The following CLCA1 variants were observed in gnomAD, a reference collection of about 807,000 sequenced individuals.
The protein encoded by CLCA1 is calcium-activated chloride channel regulator 1.
In CLCA1, 59 loss-of-function variants were observed where a neutral mutation model predicts 85.6. The ratio of observed to expected loss-of-function variants is 0.69; its 90% CI spans 0.56 to 0.86. CLCA1 has a LOEUF of 0.86. CLCA1 is among the 40% of genes least tolerant of loss of function. The pLI is 0.00. For synonymous variants in CLCA1, 396 were observed against 398.3 expected (o/e 0.99, Z 0.07); for missense variants, 1,022 against 1,101.4 (o/e 0.93, Z 1.02).
In CLCA1 at chr1:86,489,119, G is replaced by C; in HGVS notation, c.1306G>C (p.Ala436Pro). The change falls in exon 8 of 14, where the codon GCT (alanine) becomes CCT (proline). Residue 436 changes from alanine (A) to proline (P), a missense_variant. By Grantham distance (27) the Ala-to-Pro change is conservative. Coordinates refer to ENST00000394711, the MANE Select transcript of CLCA1 (RefSeq NM_001285.4). ...KQSGAIIHTV[A>P]LGPSAAQELE... ...AAGTGGTGCCATCATCCACACAGTCGCTTTGGGGCCCTCTGCAGCTCAAGA... is the reference window on the plus strand; with the variant it reads ...AAGTGGTGCCATCATCCACACAGTCCCTTTGGGGCCCTCTGCAGCTCAAGA... 6.2e-7 allele frequency: 1 copy of C among 1,614,048 alleles called. No homozygotes were observed. Among genetic ancestry groups the C allele is most frequent in the Non-Finnish European group, 8.5e-7 (1 of 1,179,994 alleles).
At position 86,473,963 on chromosome 1, in the gene CLCA1, G is replaced by A. The variant is rs1647570725; in HGVS notation, c.451+87G>A. ...ACACTAGCATTATCTTTGTGAGTAAGCATGTATAAGCCAAACAATTAGAGA... is the reference window on the plus strand; with the variant it reads ...ACACTAGCATTATCTTTGTGAGTAAACATGTATAAGCCAAACAATTAGAGA... On this transcript the variant is annotated intron_variant, in intron 3 of 13. Transcript: ENST00000394711. The A allele has an allele frequency of 5.5e-6, 5 of 907,494 alleles. No individual in the cohort carries two copies. The Admixed American group carries it at 8.2e-5, about 15-fold the overall frequency. The allele number at this position is 907,494 out of a possible 1,614,324, so 56.2% of individuals were successfully genotyped here. A position where few individuals can be genotyped will look rare whatever the true frequency, so the allele number is the denominator to read the frequency against.
chr1:86,493,298 C>A (rs974211010), intron 9 of CLCA1, 86 bp from the exon 10 acceptor site: 36 of 998,988 alleles, frequency 3.6e-5, no homozygotes, highest in Non-Finnish European at 4.9e-5. Flanking sequence ...TTTTTAATGG[C>A]GCACTGGGGA....
At chr1:86,498,392 T>G (rs2753356) in intron 12 of CLCA1, among the ~76,000 whole-genome samples, 180 bp from the exon 13 acceptor site, 113,367 of 151,960 alleles carry the variant, frequency 0.75, 42,545 homozygotes, top group South Asian at 0.81. Context: ...TGTTTTCTCT[T>G]TTCCCTCTGA....
In CLCA1 at chr1:86,482,448, T is replaced by C. The variant is rs192599741; in HGVS notation, c.735+66T>C. On this transcript the variant is annotated intron_variant, in intron 5 of 13. Transcript: ENST00000394711. ...AATTTAGTGAGGCTTTTACTCCAAG[T>C]GCTCCAAGGGAGAATCAAAGTTTAG... 226 of 1,448,176 alleles carry C rather than the reference T, an allele frequency of 1.6e-4. 1 individual carries two copies. The East Asian group carries it at 5.1e-3, about 33-fold the overall frequency. 89.7% of individuals were successfully genotyped at this position (1,448,176 alleles called of 1,614,324 possible). A position where few individuals can be genotyped will look rare whatever the true frequency, so the allele number is the denominator to read the frequency against.
chr1:86,499,245 A>G (rs1204065250), intron 13 of CLCA1, among the ~76,000 whole-genome samples: 1 of 152,186 alleles, frequency 6.6e-6, no homozygotes, highest in Non-Finnish European at 1.5e-5. Context: ...ACTTGTTAGA[A>G]AGTGTTTTCA....
At chr1:86,485,161 T>C (rs1023051012) in intron 5 of CLCA1, among the ~76,000 whole-genome samples, 182 bp from the exon 6 acceptor site, 2 of 152,010 alleles carry the variant, frequency 1.3e-5, no homozygotes, top group Non-Finnish European at 2.9e-5. Flanking sequence ...TCCAATGAGA[T>C]TGAAGGCCTG....
chr1:86,470,404 A>G (rs756582833), intron 1 of CLCA1, among the ~76,000 whole-genome samples: 2 of 152,200 alleles, frequency 1.3e-5, no homozygotes, highest in Non-Finnish European at 2.9e-5. Context: ...TAAATTTGGA[A>G]GTGGCATCAG....
chr1:86,485,248 G>A (rs879637540), intron 5 of CLCA1, 95 bp from the exon 6 acceptor site: 2 of 907,810 alleles, frequency 2.2e-6, no homozygotes, highest in Non-Finnish European at 1.7e-6. Flanking sequence ...ATTGAGCCAA[G>A]GTTATGCATT....
chr1:86,495,433 C>T, intron 11 of CLCA1, 72 bp from the exon 12 acceptor site: 1 of 1,257,552 alleles, frequency 8.0e-7, no homozygotes. Context: ...AATTCATAGC[C>T]TACATATGAG....
At chr1:86,495,858 T>C (rs1199692789) in intron 12 of CLCA1, among the ~76,000 whole-genome samples, 183 bp downstream of exon 12, 1 of 152,216 alleles carries the variant, frequency 6.6e-6, no homozygotes, top group Non-Finnish European at 1.5e-5. Context: ...GTGGCATGTT[T>C]AGCAGCATCC....
Position 86,495,679 on chromosome 1 carries a change from A to C in CLCA1, c.2113+4A>C. The C allele has an allele frequency of 6.2e-7, 1 of 1,602,536 alleles. No individual in the cohort carries two copies. The highest frequency in any genetic ancestry group is 8.5e-7 in the Non-Finnish European group (1 of 1,173,350). On this transcript the variant is annotated splice_donor_region_variant and intron_variant, in intron 12 of 13. Coordinates refer to ENST00000394711, the MANE Select transcript of CLCA1 (RefSeq NM_001285.4). Reference sequence around the variant, plus strand: ...ATACCTGGCTGGATTGAGAATGGTAAGTAATTTGTAATAACATACCTGGCT... The same window carrying C: ...ATACCTGGCTGGATTGAGAATGGTACGTAATTTGTAATAACATACCTGGCT...
intron 4 of CLCA1, among the ~76,000 whole-genome samples, chr1:86,478,191 G>A (rs1647724091): frequency 6.6e-6 from 1 of 152,092 alleles, no homozygotes; most frequent in Non-Finnish European, 1.5e-5. Context: ...TACTTTGGGA[G>A]GCCGAGGCAG....
chr1:86,484,326 T>C (rs1240431016), intron 5 of CLCA1, among the ~76,000 whole-genome samples: 1 of 152,224 alleles, frequency 6.6e-6, no homozygotes, highest in East Asian at 1.9e-4. Flanking sequence ...AGTGACTTTT[T>C]GGCTGAACAT....
chr1:86,495,970 C>T (rs1422870078), intron 12 of CLCA1, among the ~76,000 whole-genome samples: 1 of 152,198 alleles, frequency 6.6e-6, no homozygotes, highest in Non-Finnish European at 1.5e-5. Context: ...AAACTAGCCT[C>T]CAGCTGAAAA....
chr1:86,486,369 T>C (rs1450535099), intron 6 of CLCA1, among the ~76,000 whole-genome samples, 157 bp from the exon 7 acceptor site: 1 of 152,230 alleles, frequency 6.6e-6, no homozygotes, highest in African/African-American at 2.4e-5. Flanking sequence ...TGCTGCTAAA[T>C]ATAAATAAGA....
chr1:86,498,181 AGGAAGGAT>A (rs200659305), intron 12 of CLCA1, among the ~76,000 whole-genome samples: 8,865 of 135,620 alleles, frequency 0.065, 463 homozygotes, highest in African/African-American at 0.11. Context: ...GAAGGAAGGA[AGGAAGGAT>A]GGAAGGAAGG....
chr1:86,497,038 C>T (rs1330648691), intron 12 of CLCA1, among the ~76,000 whole-genome samples: 1 of 152,168 alleles, frequency 6.6e-6, no homozygotes, highest in Non-Finnish European at 1.5e-5. Context: ...CATGCCACTG[C>T]TTTTTGAGTT....
chr1:86,499,177 A>G (rs1165842851), intron 13 of CLCA1, among the ~76,000 whole-genome samples: 1 of 152,222 alleles, frequency 6.6e-6, no homozygotes, highest in Admixed American at 6.5e-5. Context: ...CTCAGGTCCT[A>G]CCAGACTTTC....
intron 3 of CLCA1, among the ~76,000 whole-genome samples, chr1:86,474,288 C>G (rs1430190265): frequency 6.6e-6 from 1 of 152,174 alleles, no homozygotes. Flanking sequence ...ATATATGAAT[C>G]TTGTTAAAAT....
Sources: allele counts gnomAD v4.1 joint callset (sites outside exome capture counted in the v4.1 genomes callset), GRCh38; gene constraint gnomAD v4.1.1; transcripts MANE v1.5; gene names NCBI Gene and HGNC (gene_info 2026-07-23, HGNC 2026-07-21).